GRID2: variants seen among roughly 807,000 people sequenced by gnomAD.
The protein encoded by GRID2 is glutamate ionotropic receptor delta type subunit 2.
GRID2 carries 33 observed loss-of-function variants against 114.8 expected under a neutral mutation model. The ratio of observed to expected loss-of-function variants is 0.29; its 90% CI spans 0.22 to 0.38. GRID2 has a LOEUF of 0.38. Among genes scored for constraint, GRID2 ranks in the 10% least tolerant of loss-of-function variants. The probability of loss-of-function intolerance (pLI) is 1.00; values close to 1 mark genes in which losing one functional copy is unlikely to be tolerated. For synonymous variants in GRID2, 505 were observed against 449.9 expected, an observed-to-expected ratio of 1.12 and a Z score of -1.55; for missense variants, 1,184 against 1,257.7, an observed-to-expected ratio of 0.94 and a Z score of 0.89.
intron 1 of GRID2, among the ~76,000 whole-genome samples, chr4:92,580,124 C>T (rs933852086): frequency 6.7e-6 from 1 of 150,242 alleles, no homozygotes; most frequent in Non-Finnish European, 1.5e-5. Flanking sequence ...GAAAATTTGC[C>T]GTCCTTCTGA....
rs145691577 is a variant in GRID2 at position 92,671,603 on chromosome 4, C to T, written c.244+81317C>T. 7.6e-3 allele frequency among the ~76,000 whole-genome samples: 1,162 copies of T among 152,040 alleles called. 11 individuals are homozygous for T. Among genetic ancestry groups the T allele is most frequent in the Non-Finnish European group, 0.012 (792 of 67,978 alleles). ...GGCCTTTGACAGAGGATTCAGGAGT[C>T]AAGTATAAGAAATAAGGAATAGATT... On this transcript the variant is annotated intron_variant, in intron 2 of 15. Coordinates refer to ENST00000282020, the MANE Select transcript of GRID2 (RefSeq NM_001510.4).
chr4:93,334,774 C>CA (rs1187341841), intron 8 of GRID2, among the ~76,000 whole-genome samples: 1 of 151,896 alleles, frequency 6.6e-6, no homozygotes, highest in Admixed American at 6.6e-5. Flanking sequence ...ACTAAAAATA[C>CA]AAAAAAATTA....
At chr4:93,453,887 A>T (rs1722945986) in intron 10 of GRID2, among the ~76,000 whole-genome samples, 1 of 152,042 alleles carries the variant, frequency 6.6e-6, no homozygotes, top group Admixed American at 6.6e-5. Flanking sequence ...ATTGAATCTT[A>T]GTTATTTATT....
intron 2 of GRID2, among the ~76,000 whole-genome samples, chr4:92,913,989 A>G (rs1748586926): frequency 6.6e-6 from 1 of 152,082 alleles, no homozygotes; most frequent in Non-Finnish European, 1.5e-5. Context: ...ACTGCATTTG[A>G]ACAGTGTTTG....
chr4:93,592,783 G>A (rs1261710632), intron 13 of GRID2, among the ~76,000 whole-genome samples: 1 of 152,174 alleles, frequency 6.6e-6, no homozygotes, highest in Non-Finnish European at 1.5e-5. Flanking sequence ...AGCTCTTCTT[G>A]TTGAATTGAT....
chr4:93,793,994 G>C (rs1734747450), intron 1 of GRID2, among the ~76,000 whole-genome samples: 1 of 150,406 alleles, frequency 6.6e-6, no homozygotes, highest in Non-Finnish European at 1.5e-5. Context: ...GTCTTAAAAA[G>C]ATAAAGCCTT....
chr4:92,675,247 T>C (rs983142734), intron 2 of GRID2, among the ~76,000 whole-genome samples: 1 of 152,172 alleles, frequency 6.6e-6, no homozygotes, highest in South Asian at 2.1e-4. Flanking sequence ...TAATCAGAAC[T>C]CCACTGTTCC....
chr4:92,544,723 C>T (rs186936220), intron 1 of GRID2, among the ~76,000 whole-genome samples: 4 of 152,216 alleles, frequency 2.6e-5, no homozygotes, highest in Admixed American at 2.6e-4. Flanking sequence ...TTTAATTTAT[C>T]TATTTTCCAT....
intron 13 of GRID2, among the ~76,000 whole-genome samples, chr4:93,583,544 A>T (rs1029552397): frequency 6.6e-6 from 1 of 152,140 alleles, no homozygotes; most frequent in Non-Finnish European, 1.5e-5. Flanking sequence ...GATACTTTAC[A>T]AACATCCAAT....
chr4:92,747,237 A>G (rs1737195279), intron 2 of GRID2, among the ~76,000 whole-genome samples: 1 of 152,074 alleles, frequency 6.6e-6, no homozygotes, highest in South Asian at 2.1e-4. Flanking sequence ...AAAAAGATAT[A>G]TAAATTTGAG....
At chr4:92,902,029 A>G (rs933052351) in intron 2 of GRID2, among the ~76,000 whole-genome samples, 2 of 152,058 alleles carry the variant, frequency 1.3e-5, no homozygotes, top group Non-Finnish European at 2.9e-5. Flanking sequence ...ATTTGTTAGT[A>G]CAGATTTAAC....
At chr4:92,791,795 T>C (rs554876846) in intron 2 of GRID2, among the ~76,000 whole-genome samples, 2 of 151,802 alleles carry the variant, frequency 1.3e-5, no homozygotes, top group South Asian at 4.1e-4. Flanking sequence ...TTATAAGCAG[T>C]GTTAGTTCCA....
chr4:93,551,363 C>T (rs1182094884), intron 13 of GRID2, among the ~76,000 whole-genome samples: 1 of 152,080 alleles, frequency 6.6e-6, no homozygotes, highest in African/African-American at 2.4e-5. Context: ...TTGAAAAAAC[C>T]TGAATGAAAT....
chr4:92,804,361 T>A (rs566876719), intron 2 of GRID2, among the ~76,000 whole-genome samples: 1 of 152,110 alleles, frequency 6.6e-6, no homozygotes, highest in African/African-American at 2.4e-5. Flanking sequence ...AGGCACAAAA[T>A]AGTTCTAGTT....
At chr4:93,005,960 A>G (rs1233565854) in intron 2 of GRID2, among the ~76,000 whole-genome samples, 1 of 152,026 alleles carries the variant, frequency 6.6e-6, no homozygotes, top group African/African-American at 2.4e-5. Context: ...TTTTAGTCTC[A>G]GCATATTCTA....
chr4:93,261,801 A>G (rs1750283048), intron 8 of GRID2, among the ~76,000 whole-genome samples: 1 of 151,594 alleles, frequency 6.6e-6, no homozygotes, highest in Non-Finnish European at 1.5e-5. Flanking sequence ...TTTTTCTGTA[A>G]ATATTTTAGG....
At chr4:93,375,092 T>C in intron 8 of GRID2, among the ~76,000 whole-genome samples, 1 of 152,066 alleles carries the variant, frequency 6.6e-6, no homozygotes, top group East Asian at 1.9e-4. Context: ...CTGAATTTCA[T>C]AAACCGTAAC....
chr4:93,431,572 T>C (rs1769413233), intron 10 of GRID2, among the ~76,000 whole-genome samples: 2 of 152,068 alleles, frequency 1.3e-5, no homozygotes, highest in South Asian at 4.1e-4. Flanking sequence ...ACTCTTTTGG[T>C]AGCATAGTGG....
intron 14 of GRID2, among the ~76,000 whole-genome samples, chr4:93,628,792 T>G (rs1232457372): frequency 6.7e-6 from 1 of 150,130 alleles, no homozygotes; most frequent in Non-Finnish European, 1.5e-5. Context: ...TGAGACATTG[T>G]TTCGCTCTTG....
Sources: allele counts gnomAD v4.1 joint callset (sites outside exome capture counted in the v4.1 genomes callset), GRCh38; gene constraint gnomAD v4.1.1; transcripts MANE v1.5; gene names NCBI Gene and HGNC (gene_info 2026-07-23, HGNC 2026-07-21).